The following EXOC4 variants were observed in gnomAD, a reference collection of about 807,000 sequenced individuals.
EXOC4 encodes SEC8-like 1.
A neutral mutation model predicts 107.2 loss-of-function variants in EXOC4; 71 were observed. The observed-to-expected ratio is 0.66, with a 90% CI of 0.55 to 0.81. The LOEUF (loss-of-function observed/expected upper bound fraction) is 0.81, where lower values mean the gene tolerates loss of function less well. Ranked by LOEUF, EXOC4 falls within the 30% of genes least tolerant of loss-of-function variation. EXOC4 has a pLI of 0.00. For synonymous variants in EXOC4, 456 were observed against 441.2 expected (o/e 1.03, Z -0.42); for missense variants, 1,108 against 1,189.6 (o/e 0.93, Z 1.01).
At chr7:133,660,358 A>T (rs1803411066) in intron 10 of EXOC4, among the ~76,000 whole-genome samples, 1 of 152,128 alleles carries the variant, frequency 6.6e-6, no homozygotes, top group South Asian at 2.1e-4. Context: ...AGTAAGGGGA[A>T]TTGTTGAGGC....
intron 11 of EXOC4, among the ~76,000 whole-genome samples, chr7:133,886,534 C>T (rs1799091336): frequency 6.6e-6 from 1 of 152,054 alleles, no homozygotes; most frequent in Admixed American, 6.5e-5. Context: ...CATCAACTGT[C>T]CTGGGATTTA....
intron 7 of EXOC4, among the ~76,000 whole-genome samples, chr7:133,471,687 A>G (rs1254249746): frequency 4.6e-5 from 7 of 152,182 alleles, no homozygotes; most frequent in Admixed American, 4.6e-4. Flanking sequence ...ATATAACAAC[A>G]TATTCATTAA....
intron 7 of EXOC4, among the ~76,000 whole-genome samples, chr7:133,462,980 T>C (rs1798630867): frequency 6.6e-6 from 1 of 152,126 alleles, no homozygotes; most frequent in Non-Finnish European, 1.5e-5. Flanking sequence ...GAAGGACTTG[T>C]CAGAGGAATG....
intron 7 of EXOC4, among the ~76,000 whole-genome samples, chr7:133,383,358 T>G (rs1796660286): frequency 6.6e-6 from 1 of 152,228 alleles, no homozygotes; most frequent in African/African-American, 2.4e-5. Flanking sequence ...TGCTAAGCAG[T>G]GTCTACAGAT....
chr7:133,671,703 A>G (rs985462759), intron 10 of EXOC4, among the ~76,000 whole-genome samples: 2 of 152,134 alleles, frequency 1.3e-5, no homozygotes, highest in African/African-American at 4.8e-5. Flanking sequence ...AGTGGAGGGG[A>G]GAAGTGGTCA....
the EXOC4 span, among the ~76,000 whole-genome samples, chr7:134,072,584 T>C: frequency 1.3e-5 from 2 of 152,160 alleles, no homozygotes; most frequent in African/African-American, 4.8e-5. Flanking sequence ...GTTTCTCAAA[T>C]TCCTTCTGCT....
At chr7:133,521,269 TA>T (rs201051100) in intron 9 of EXOC4, among the ~76,000 whole-genome samples, 1 of 152,176 alleles carries the variant, frequency 6.6e-6, no homozygotes, top group East Asian at 1.9e-4. Flanking sequence ...TCTTTTGTAT[TA>T]GTTGTAATTA....
chr7:133,265,764 G>A (rs1260520664), intron 1 of EXOC4, among the ~76,000 whole-genome samples: 2 of 152,256 alleles, frequency 1.3e-5, no homozygotes, highest in Admixed American at 6.5e-5. Context: ...CAATTAAGCC[G>A]ATTAACTGTT....
intron 10 of EXOC4, among the ~76,000 whole-genome samples, chr7:133,804,923 C>T (rs1797037967): frequency 6.6e-6 from 1 of 152,108 alleles, no homozygotes; most frequent in Non-Finnish European, 1.5e-5. Context: ...TTAAAATAAT[C>T]TGTATATTGT....
At chr7:133,486,824 G>T (rs1376800611) in intron 9 of EXOC4, among the ~76,000 whole-genome samples, 1 of 151,860 alleles carries the variant, frequency 6.6e-6, no homozygotes, top group Non-Finnish European at 1.5e-5. Flanking sequence ...TTATAATAAA[G>T]TTATAATAGA....
At chr7:133,708,812 C>G (rs190311695) in intron 10 of EXOC4, among the ~76,000 whole-genome samples, 94 of 152,314 alleles carry the variant, frequency 6.2e-4, no homozygotes, top group African/African-American at 2.2e-3. Flanking sequence ...GTCTGTCAGT[C>G]ATATCCTAAT....
At chr7:133,463,279 G>A (rs989234809) in intron 7 of EXOC4, among the ~76,000 whole-genome samples, 2 of 152,118 alleles carry the variant, frequency 1.3e-5, no homozygotes, top group Non-Finnish European at 2.9e-5. Context: ...ATGACATTAA[G>A]GAGCTCCCCC....
intron 10 of EXOC4, among the ~76,000 whole-genome samples, chr7:133,801,215 C>A (rs866236954): frequency 2.2e-4 from 34 of 152,142 alleles, no homozygotes; most frequent in Middle Eastern, 3.2e-3. Context: ...ACTTTTAATT[C>A]ATTTTCTCTC....
In EXOC4 at chr7:134,016,468, G is replaced by T. The variant is rs975319044; in HGVS notation, c.2687+8633G>T. ...AGAGTGCATGATCACATAGCTGCCT[G>T]CACAGAAATGCTACTTTCACCATAA... On this transcript the variant is annotated intron_variant, in intron 17 of 17. Transcript: ENST00000253861. 2.0e-5 allele frequency among the ~76,000 whole-genome samples: 3 copies of T among 152,180 alleles called. No individual in the cohort carries two copies. The East Asian group carries it at 5.8e-4, about 29-fold the overall frequency.
intron 10 of EXOC4, among the ~76,000 whole-genome samples, chr7:133,773,550 G>T (rs1796287859): frequency 1.3e-5 from 2 of 151,642 alleles, no homozygotes; most frequent in African/African-American, 4.8e-5. Context: ...AGAGTGCCTG[G>T]CTCTATCAGA....
intron 11 of EXOC4, among the ~76,000 whole-genome samples, chr7:133,868,505 G>A (rs1798688094): frequency 1.3e-5 from 2 of 152,204 alleles, no homozygotes; most frequent in African/African-American, 2.4e-5. Context: ...TTGCTAGGGT[G>A]AAGAGACAGT....
intron 17 of EXOC4, among the ~76,000 whole-genome samples, chr7:134,050,566 T>G (rs1429876984): frequency 6.6e-6 from 1 of 152,120 alleles, no homozygotes; most frequent in Non-Finnish European, 1.5e-5. Flanking sequence ...AGAGAAGAAA[T>G]AAATTGCTCA....
chr7:133,604,833 C>T (rs1354887637), intron 9 of EXOC4, among the ~76,000 whole-genome samples: 2 of 147,456 alleles, frequency 1.4e-5, no homozygotes, highest in African/African-American at 5.0e-5. Flanking sequence ...AAGTGTTTCT[C>T]CTGCCTCAGC....
chr7:133,840,595 G>A lies in EXOC4; in HGVS notation c.1734+23051G>A, dbSNP rs894981976. ...TCTCAGCTCACTGCACGATTCTCCT[G>A]CCTCAGCCTCTTGAGTAGCTGGGAC... On this transcript the variant is annotated intron_variant, in intron 11 of 17. Transcript: ENST00000253861. Among the ~76,000 whole-genome samples, 6 of 152,084 alleles carry A rather than the reference G, an allele frequency of 3.9e-5. No homozygotes were observed. In the East Asian group the frequency reaches 1.2e-3, roughly 29 times the overall value.
Sources: gnomAD v4.1 joint callset for allele counts (sites outside exome capture counted in the v4.1 genomes callset) on GRCh38, gnomAD v4.1.1 for gene constraint, MANE v1.5 for transcripts, NCBI Gene and HGNC (gene_info 2026-07-23, HGNC 2026-07-21) for gene names.